The following CSNK1G2 variants were observed in gnomAD, a reference collection of about 807,000 sequenced individuals.
CSNK1G2 encodes casein kinase I isoform gamma-2.
A neutral mutation model predicts 48.0 loss-of-function variants in CSNK1G2; 11 were observed. The observed-to-expected ratio is 0.23, with a 90% CI of 0.14 to 0.38. The LOEUF is 0.38. Among genes scored for constraint, CSNK1G2 ranks in the 10% least tolerant of loss-of-function variants. The pLI, the probability that CSNK1G2 is intolerant of heterozygous loss-of-function variation, is 1.00. For synonymous variants in CSNK1G2, 337 were observed against 254.1 expected (o/e 1.33, Z -3.10); for missense variants, 446 against 595.5 (o/e 0.75, Z 2.61).
chr19:1,973,174 G>A (rs1345924383), intron 2 of CSNK1G2, among the ~76,000 whole-genome samples: 6 of 151,610 alleles, frequency 4.0e-5, no homozygotes, highest in Middle Eastern at 3.4e-3. Flanking sequence ...TGATCTGCCC[G>A]CCTCGGCCTC....
chr19:1,956,621 A>G (rs552987147), intron 1 of CSNK1G2, among the ~76,000 whole-genome samples: 3 of 152,306 alleles, frequency 2.0e-5, no homozygotes, highest in South Asian at 4.1e-4. Flanking sequence ...TGGCCCTTTC[A>G]GTGGTTGGTG....
chr19:1,967,139 C>T (rs953470089), intron 1 of CSNK1G2, among the ~76,000 whole-genome samples: 14 of 152,186 alleles, frequency 9.2e-5, no homozygotes, highest in African/African-American at 2.7e-4. Context: ...CCAGAACATT[C>T]GAGCGGCTGT....
chr19:1,979,425 GCCCTGTGCCCCCCA>G, intron 8 of CSNK1G2, 22 bp downstream of exon 8: 1 of 1,341,838 alleles, frequency 7.5e-7, no homozygotes. Context: ...CTGCGCCCCC[GCCCTGTGCCCCCCA>G]CCCCCCACCC....
chr19:1,942,101 T>TG (rs1234264684), intron 1 of CSNK1G2, among the ~76,000 whole-genome samples: 1 of 152,074 alleles, frequency 6.6e-6, no homozygotes, highest in Non-Finnish European at 1.5e-5. Context: ...AGGGACCTGT[T>TG]GCGGCACTGC....
rs59813211 is a variant in CSNK1G2, at chr19:1,942,942, C to T, written c.-266+1524C>T. Among the ~76,000 whole-genome samples the T allele has an allele frequency of 2.9e-3, 440 of 152,256 alleles. 12 individuals carry two copies. In the East Asian group the frequency reaches 0.044, roughly 15 times the overall value. ...GCCCCCGGGAGTGTGTGCAGGTACGCGCACGCCTGCCTTGACGTCTCTAGG... is the reference window on the plus strand; with the variant it reads ...GCCCCCGGGAGTGTGTGCAGGTACGTGCACGCCTGCCTTGACGTCTCTAGG... On this transcript the variant is annotated intron_variant, in intron 1 of 11. Transcript: ENST00000255641.
Position 1,979,568 on chromosome 19 carries a change from G to A in CSNK1G2, c.927G>A (p.Arg309=). Residue 309 remains arginine, a synonymous_variant, in exon 9 of 12, where the codon CGG becomes CGA. Coordinates refer to ENST00000255641, the MANE Select transcript of CSNK1G2 (RefSeq NM_001319.7). The part of the protein sequence containing the change: ...FFEKPDYDYL[R]KLFTDLFDRS... Reference sequence around the variant, plus strand: ...AGAAGCCCGACTATGACTACCTGCGGAAGCTCTTCACCGACCTCTTCGACC... The same window carrying A: ...AGAAGCCCGACTATGACTACCTGCGAAAGCTCTTCACCGACCTCTTCGACC... The A allele has an allele frequency of 7.5e-6, 12 of 1,608,938 alleles. No homozygotes were observed. The highest frequency in any genetic ancestry group is 1.0e-5 in the Non-Finnish European group (12 of 1,179,884).
intron 1 of CSNK1G2, among the ~76,000 whole-genome samples, chr19:1,961,898 G>A (rs906222880): frequency 2.6e-5 from 4 of 152,122 alleles, no homozygotes; most frequent in Admixed American, 6.6e-5. Flanking sequence ...CTTCAACCAC[G>A]GCCACTCGGC....
chr19:1,945,258 C>A (rs1040633781), intron 1 of CSNK1G2, among the ~76,000 whole-genome samples: 5 of 152,360 alleles, frequency 3.3e-5, no homozygotes, highest in Middle Eastern at 3.4e-3. Flanking sequence ...GCTTCTCAGA[C>A]CCCCGGGCTG....
intron 1 of CSNK1G2, among the ~76,000 whole-genome samples, chr19:1,946,061 C>T (rs1031537128): frequency 6.6e-6 from 1 of 151,974 alleles, no homozygotes; most frequent in Non-Finnish European, 1.5e-5. Context: ...GGAGGCCACG[C>T]GTATGTTCCC....
Position 1,969,931 on chromosome 19 carries a change from C to G in CSNK1G2, c.159C>G (p.Gly53=), listed in dbSNP as rs774343182. The G allele has an allele frequency of 2.3e-6, 3 of 1,311,094 alleles. No individual in the cohort carries two copies. The highest frequency in any genetic ancestry group is 2.9e-6 in the Non-Finnish European group (3 of 1,022,128). The allele number at this position is 1,311,094 out of a possible 1,614,324, so 81.2% of individuals were successfully genotyped here. ...GPNFRVGKKI[G]CGNFGELRLG... ...ACTTCCGCGTCGGCAAGAAGATCGGCTGCGGCAACTTCGGGGAGCTCCGCC... is the reference window on the plus strand; with the variant it reads ...ACTTCCGCGTCGGCAAGAAGATCGGGTGCGGCAACTTCGGGGAGCTCCGCC... The change falls in exon 2 of 12, where the codon GGC becomes GGG. Residue 53 remains glycine, a synonymous_variant. Transcript: ENST00000255641.
rs151020465 is a variant in CSNK1G2, at chr19:1,964,758, G to A, written c.-265-4750G>A. ...GTTTTTTTTTTTGAGACTGATTCTCGCTCGTCACCCAGGCTGGAGTGCAGT... is the reference window on the plus strand; with the variant it reads ...GTTTTTTTTTTTGAGACTGATTCTCACTCGTCACCCAGGCTGGAGTGCAGT... On this transcript the variant is annotated intron_variant, in intron 1 of 11. Transcript: ENST00000255641. Among the ~76,000 whole-genome samples the A allele has an allele frequency of 1.0e-3, 150 of 149,494 alleles. 3 individuals carry two copies. The East Asian group carries it at 0.028, about 28-fold the overall frequency.
chr19:1,951,129 C>T (rs1599287065), intron 1 of CSNK1G2, among the ~76,000 whole-genome samples: 1 of 145,632 alleles, frequency 6.9e-6, no homozygotes, highest in Non-Finnish European at 1.5e-5. Flanking sequence ...TGGCCAGGCA[C>T]GGTGGCTCAC....
At chr19:1,952,902 C>G in intron 1 of CSNK1G2, 1 of 448,734 alleles carries the variant, frequency 2.2e-6, no homozygotes, top group Non-Finnish European at 4.4e-6. Context: ...AGCTGGCAAC[C>G]GAGGTGACTG....
chr19:1,948,139 G>A (rs892114318), intron 1 of CSNK1G2, among the ~76,000 whole-genome samples: 3 of 152,206 alleles, frequency 2.0e-5, no homozygotes, highest in African/African-American at 7.2e-5. Flanking sequence ...ACCGGAGGGA[G>A]CCATTCTGGA....
intron 1 of CSNK1G2, among the ~76,000 whole-genome samples, chr19:1,961,908 C>T (rs911821996): frequency 3.9e-5 from 6 of 152,196 alleles, no homozygotes; most frequent in African/African-American, 1.4e-4. Flanking sequence ...GGCCACTCGG[C>T]CACATCAGTG....
intron 2 of CSNK1G2, among the ~76,000 whole-genome samples, chr19:1,972,879 C>T (rs924783651): frequency 6.6e-6 from 1 of 151,624 alleles, no homozygotes; most frequent in Non-Finnish European, 1.5e-5. Flanking sequence ...CTGCCTCGGC[C>T]TCCCAAAGTG....
At position 1,957,520 on chromosome 19, in the gene CSNK1G2, C is replaced by T. The variant is rs936977909; in HGVS notation, c.-265-11988C>T. On this transcript the variant is annotated intron_variant, in intron 1 of 11. Coordinates refer to ENST00000255641, the MANE Select transcript of CSNK1G2 (RefSeq NM_001319.7). This position sits in a 1 kb window ranked among gnomAD's most constrained non-coding sequence, Gnocchi z 5.4. ...TTAGGAGGGACAGTGAGCGCAGGCA[C>T]CTCTCTCTCCACTTCATGTTTGTCC... 1.3e-5 allele frequency among the ~76,000 whole-genome samples: 2 copies of T among 152,180 alleles called. No individual in the cohort carries two copies. The highest frequency in any genetic ancestry group is 2.4e-5 in the African/African-American group (1 of 41,438).
intron 2 of CSNK1G2, among the ~76,000 whole-genome samples, chr19:1,976,900 A>C (rs2238592): frequency 0.21 from 31,594 of 151,892 alleles, 5,068 homozygotes; most frequent in African/African-American, 0.45. Context: ...TCACCATGCC[A>C]GGCTAATTTT....
intron 1 of CSNK1G2, chr19:1,953,146 ACT>A: frequency 2.7e-6 from 1 of 370,690 alleles, no homozygotes; most frequent in East Asian, 7.8e-5. Flanking sequence ...CCCGGGTCCC[ACT>A]CGCCCCCGGG....
Sources: allele counts gnomAD v4.1 joint callset (sites outside exome capture counted in the v4.1 genomes callset), GRCh38; gene constraint gnomAD v4.1.1; non-coding constraint Gnocchi (gnomAD v3.1); transcripts MANE v1.5; gene names NCBI Gene and HGNC (gene_info 2026-07-23, HGNC 2026-07-21).